The following GABRB1 variants were observed in gnomAD, a reference collection of about 807,000 sequenced individuals.
The protein encoded by GABRB1 is gamma-aminobutyric acid receptor subunit beta-1.
A neutral mutation model predicts 51.6 loss-of-function variants in GABRB1; 17 were observed. The ratio of observed to expected loss-of-function variants is 0.33; its 90% CI spans 0.23 to 0.49. GABRB1 has a LOEUF of 0.49. Among genes scored for constraint, GABRB1 ranks in the 20% least tolerant of loss-of-function variants. The pLI, the probability that GABRB1 is intolerant of heterozygous loss-of-function variation, is 0.99. For synonymous variants in GABRB1, 247 were observed against 218.9 expected, an observed-to-expected ratio of 1.13 and a Z score of -1.14; for missense variants, 410 against 600.6, an observed-to-expected ratio of 0.68 and a Z score of 3.32.
At chr4:47,061,211 A>G (rs529134841) in intron 3 of GABRB1, among the ~76,000 whole-genome samples, 7 of 152,322 alleles carry the variant, frequency 4.6e-5, no homozygotes, top group South Asian at 4.1e-4. Context: ...TTGATTCTGT[A>G]AAAAGTGACT....
intron 4 of GABRB1, among the ~76,000 whole-genome samples, chr4:47,276,367 A>G (rs1392736880): frequency 2.6e-5 from 4 of 152,136 alleles, no homozygotes; most frequent in African/African-American, 7.2e-5. Context: ...ATAATCTTTC[A>G]GGGAAGCTCA....
intron 4 of GABRB1, among the ~76,000 whole-genome samples, chr4:47,263,014 AG>A (rs1296660692): frequency 8.5e-6 from 1 of 118,156 alleles, no homozygotes; most frequent in Non-Finnish European, 1.6e-5. Flanking sequence ...AGACACAGGA[AG>A]GGGAACATCA....
intron 3 of GABRB1, among the ~76,000 whole-genome samples, chr4:47,145,764 G>A (rs1717141806): frequency 6.6e-6 from 1 of 152,058 alleles, no homozygotes; most frequent in South Asian, 2.1e-4. Context: ...AACATCAGAA[G>A]GGGACTGGCT....
chr4:47,029,650 T>A (rs145940662), upstream of GABRB1, among the ~76,000 whole-genome samples: 1 of 152,152 alleles, frequency 6.6e-6, no homozygotes, highest in East Asian at 1.9e-4. Context: ...TATTCTCCTA[T>A]ATAGTTTAAA....
chr4:47,417,277 G>T (rs10155334), intron 8 of GABRB1, among the ~76,000 whole-genome samples: 3,484 of 151,636 alleles, frequency 0.023, 149 homozygotes, highest in African/African-American at 0.08. Flanking sequence ...TTTGTTTTTT[G>T]TTTTTTTCCT....
chr4:47,007,866 G>GTATATATATATATATA lies in GABRB1; in HGVS notation c.-20+13953_-20+13968dup, dbSNP rs1165939097. ...TTAAAGGACGTATACCTTGGAACTGGTATATATATATATATATATATATAT... is the reference window on the plus strand; with the variant it reads ...TTAAAGGACGTATACCTTGGAACTGGTATATATATATATATATATATATATATATATATATATATAT... On this transcript the variant is annotated intron_variant, in intron 1 of 3. Transcript: ENST00000513567. Among the ~76,000 whole-genome samples the GTATATATATATATATA allele has an allele frequency of 6.5e-3, 323 of 49,722 alleles. 12 individuals carry two copies. The highest frequency in any genetic ancestry group is 0.034 in the East Asian group (63 of 1,858). 32.6% of individuals were successfully genotyped at this position (49,722 alleles called of 152,430 possible). A position where few individuals can be genotyped will look rare whatever the true frequency, so the allele number is the denominator to read the frequency against.
chr4:47,158,194 C>A (rs1200613448), intron 3 of GABRB1, among the ~76,000 whole-genome samples: 1 of 152,020 alleles, frequency 6.6e-6, no homozygotes, highest in African/African-American at 2.4e-5. Flanking sequence ...CTGTTCTCCA[C>A]TTACCACACA....
chr4:47,372,918 T>A (rs1727250316), intron 5 of GABRB1, among the ~76,000 whole-genome samples: 1 of 152,264 alleles, frequency 6.6e-6, no homozygotes, highest in South Asian at 2.1e-4. Context: ...TCCCTCCCCA[T>A]ACTCACACAC....
chr4:47,257,967 A>G (rs1290697368), intron 4 of GABRB1, among the ~76,000 whole-genome samples: 1 of 152,078 alleles, frequency 6.6e-6, no homozygotes, highest in African/African-American at 2.4e-5. Flanking sequence ...AATGGAGCAA[A>G]GTTTCTGTGA....
intron 3 of GABRB1, among the ~76,000 whole-genome samples, chr4:47,034,129 T>C (rs1426838132): frequency 1.3e-5 from 2 of 152,186 alleles, no homozygotes; most frequent in Non-Finnish European, 2.9e-5. Context: ...CCACAGATAA[T>C]TGATAAAATA....
chr4:47,408,326 G>A (rs1322705227), intron 8 of GABRB1, among the ~76,000 whole-genome samples: 2 of 152,170 alleles, frequency 1.3e-5, no homozygotes, highest in African/African-American at 4.8e-5. Context: ...GAGAAGACCG[G>A]TAGAGCAAGA....
chr4:47,259,734 T>G (rs1447178596), intron 4 of GABRB1, among the ~76,000 whole-genome samples: 2 of 152,196 alleles, frequency 1.3e-5, no homozygotes, highest in African/African-American at 4.8e-5. Context: ...TACTATAAAC[T>G]TCATATCTGA....
chr4:47,314,706 A>G (rs777121089), intron 4 of GABRB1, among the ~76,000 whole-genome samples: 3 of 152,030 alleles, frequency 2.0e-5, no homozygotes, highest in Non-Finnish European at 4.4e-5. Context: ...AGGACTCTCT[A>G]TACAATAAAT....
At chr4:47,102,774 G>A (rs2109610374) in intron 3 of GABRB1, among the ~76,000 whole-genome samples, 1 of 152,104 alleles carries the variant, frequency 6.6e-6, no homozygotes, top group South Asian at 2.1e-4. Flanking sequence ...ATCAGAGTAG[G>A]ATAGTCAAAT....
intron 3 of GABRB1, among the ~76,000 whole-genome samples, chr4:47,090,061 T>C (rs1728232346): frequency 6.6e-6 from 1 of 152,212 alleles, no homozygotes; most frequent in Admixed American, 6.5e-5. Context: ...AATTTTCTCA[T>C]GATGAAACTT....
At chr4:47,255,904 G>A (rs1235844562) in intron 4 of GABRB1, among the ~76,000 whole-genome samples, 1 of 152,206 alleles carries the variant, frequency 6.6e-6, no homozygotes, top group East Asian at 1.9e-4. Context: ...AGGCAATAAG[G>A]AAATGGCCAG....
chr4:47,095,581 T>C (rs1051274149), intron 3 of GABRB1, among the ~76,000 whole-genome samples: 1 of 152,242 alleles, frequency 6.6e-6, no homozygotes, highest in African/African-American at 2.4e-5. Context: ...GGGGCACTTA[T>C]GACTCATGAA....
At chr4:47,089,255 C>G (rs917132775) in intron 3 of GABRB1, among the ~76,000 whole-genome samples, 2 of 152,104 alleles carry the variant, frequency 1.3e-5, no homozygotes, top group Non-Finnish European at 2.9e-5. Context: ...ATTTTACTAC[C>G]GAGGGTGAGT....
At chr4:47,019,888 A>AATATATGTATATG (rs1553909557) in intron 1 of GABRB1, among the ~76,000 whole-genome samples, 5 of 139,676 alleles carry the variant, frequency 3.6e-5, no homozygotes, top group East Asian at 4.1e-4. Context: ...TATATATATA[A>AATATATGTATATG]TATATGTATA....
Sources: gnomAD v4.1 joint callset for allele counts (sites outside exome capture counted in the v4.1 genomes callset) on GRCh38, gnomAD v4.1.1 for gene constraint, MANE v1.5 for transcripts, NCBI Gene and HGNC (gene_info 2026-07-23, HGNC 2026-07-21) for gene names.